Variants in DIP2C observed in about 807,000 individuals in gnomAD.
DIP2C encodes DIP2 acetate--CoA ligase C (putative).
In DIP2C, 33 loss-of-function variants were observed where a neutral mutation model predicts 192.4. The ratio of observed to expected loss-of-function variants is 0.17; its 90% CI spans 0.13 to 0.23. The LOEUF (loss-of-function observed/expected upper bound fraction) is 0.23, where lower values mean the gene tolerates loss of function less well. Ranked by LOEUF, DIP2C falls within the 10% of genes least tolerant of loss-of-function variation. The pLI is 1.00. For missense variants in DIP2C, 1,537 were observed against 2,110.1 expected (o/e 0.73, Z 5.32); for synonymous variants, 979 against 864.1 (o/e 1.13, Z -2.33).
chr10:621,791 C>A (rs972345502), intron 1 of DIP2C, among the ~76,000 whole-genome samples: 1 of 152,144 alleles, frequency 6.6e-6, no homozygotes, highest in Non-Finnish European at 1.5e-5. Flanking sequence ...ACGGGGCCTA[C>A]GGAGTGCTTC....
At chr10:469,792 C>A (rs1394590199) in intron 3 of DIP2C, among the ~76,000 whole-genome samples, 1 of 152,186 alleles carries the variant, frequency 6.6e-6, no homozygotes. Context: ...GGATCAAGTC[C>A]AAATTCCCGA....
intron 1 of DIP2C, among the ~76,000 whole-genome samples, chr10:603,425 ACC>A (rs1852239127): frequency 6.6e-6 from 1 of 150,840 alleles, no homozygotes; most frequent in African/African-American, 2.4e-5. Flanking sequence ...CTGACTCAGG[ACC>A]TCTGTCTCTG....
rs61833013 is a variant in DIP2C, at chr10:648,209, A to G, written c.85+41285T>C. ...AACTGAGTCCACGTCCACATTGGAC[A>G]GTGGGCGAGAACAGAGGGAAACAGT... On this transcript the variant is annotated intron_variant, in intron 1 of 36. Transcript: ENST00000280886. Among the ~76,000 whole-genome samples the G allele has an allele frequency of 5.9e-3, 764 of 128,404 alleles. 5 individuals carry two copies. The highest frequency in any genetic ancestry group is 9.3e-3 in the Non-Finnish European group (569 of 60,886). 84.2% of individuals were successfully genotyped at this position (128,404 alleles called of 152,430 possible). A position where few individuals can be genotyped will look rare whatever the true frequency, so the allele number is the denominator to read the frequency against.
At chr10:477,607 G>A (rs375681952) in intron 2 of DIP2C, among the ~76,000 whole-genome samples, 8 of 57,766 alleles carry the variant, frequency 1.4e-4, no homozygotes, top group African/African-American at 3.5e-4. Flanking sequence ...GGAGGAAGGT[G>A]GATGGGTGGG....
intron 22 of DIP2C, among the ~76,000 whole-genome samples, chr10:359,692 T>C (rs1428508080): frequency 6.6e-6 from 1 of 152,212 alleles, no homozygotes. Flanking sequence ...TGGGAGCCCC[T>C]GCACGATCTC....
At chr10:432,494 C>G (rs1479563676) in intron 4 of DIP2C, among the ~76,000 whole-genome samples, 3 of 152,120 alleles carry the variant, frequency 2.0e-5, no homozygotes, top group South Asian at 2.1e-4. Context: ...TATTTATTAT[C>G]CTTTTAATGT....
intron 23 of DIP2C, among the ~76,000 whole-genome samples, chr10:356,850 C>T (rs1193665179): frequency 6.6e-6 from 1 of 152,160 alleles, no homozygotes; most frequent in African/African-American, 2.4e-5. Flanking sequence ...GCAGGAGCAG[C>T]CTGCACAGAA....
intron 1 of DIP2C, among the ~76,000 whole-genome samples, chr10:582,986 A>G (rs1020059957): frequency 3.9e-5 from 6 of 152,260 alleles, no homozygotes; most frequent in African/African-American, 1.2e-4. Context: ...TCCATAAACA[A>G]AACACACAGC....
intron 4 of DIP2C, among the ~76,000 whole-genome samples, chr10:432,524 G>A (rs2133223366): frequency 6.6e-6 from 1 of 152,190 alleles, no homozygotes; most frequent in Admixed American, 6.5e-5. Flanking sequence ...CTGTAGTTAT[G>A]TCCCTTATTT....
intron 1 of DIP2C, among the ~76,000 whole-genome samples, chr10:542,264 G>A (rs1235913997): frequency 2.0e-5 from 3 of 152,202 alleles, no homozygotes; most frequent in Non-Finnish European, 4.4e-5. Flanking sequence ...ACATCAACCA[G>A]GAGGCACTGC....
Position 544,429 on chromosome 10 carries a change from C to CA in DIP2C, c.86-57900dup, listed in dbSNP as rs1491195923. On this transcript the variant is annotated intron_variant, in intron 1 of 36. Coordinates refer to ENST00000280886, the MANE Select transcript of DIP2C (RefSeq NM_014974.3). ...TAAGATTTTTTTGTAAAAACGTTTT[C>CA]AGTTTTCTTGGGCATATGCCTGGGA... Among the ~76,000 whole-genome samples the CA allele has an allele frequency of 3.9e-5, 6 of 152,192 alleles. No homozygotes were observed. The East Asian group carries it at 9.6e-4, about 24-fold the overall frequency.
chr10:575,411 G>A (rs1463779032), intron 1 of DIP2C, among the ~76,000 whole-genome samples: 2 of 152,232 alleles, frequency 1.3e-5, no homozygotes, highest in East Asian at 3.8e-4. Flanking sequence ...GGGGAGCAGT[G>A]AGAGAAAGGA....
intron 1 of DIP2C, among the ~76,000 whole-genome samples, chr10:583,591 G>A (rs947328917): frequency 1.3e-5 from 2 of 152,210 alleles, no homozygotes; most frequent in Non-Finnish European, 2.9e-5. Flanking sequence ...AGCCTCACCT[G>A]GGCCTCGCTT....
chr10:491,275 T>C (rs1449314145), intron 1 of DIP2C, among the ~76,000 whole-genome samples: 2 of 152,208 alleles, frequency 1.3e-5, no homozygotes, highest in African/African-American at 2.4e-5. Flanking sequence ...CACTCGGCAG[T>C]GGCGGTTTCC....
chr10:447,018 T>C (rs755701433), intron 3 of DIP2C, among the ~76,000 whole-genome samples: 59 of 152,238 alleles, frequency 3.9e-4, no homozygotes, highest in Admixed American at 7.9e-4. Context: ...GGCATCTATA[T>C]GTCAAGAAGA....
rs560986228 is a variant in DIP2C, at chr10:474,279, G to A, written c.158-1730C>T. Among the ~76,000 whole-genome samples, 185 of 152,220 alleles carry A rather than the reference G, an allele frequency of 1.2e-3. 1 individual carries two copies. The highest frequency in any genetic ancestry group is 5.9e-3 in the Admixed American group (90 of 15,280). On this transcript the variant is annotated intron_variant, in intron 2 of 36. Coordinates refer to ENST00000280886, the MANE Select transcript of DIP2C (RefSeq NM_014974.3). ...CGCCACTGTGGTCATCAACATCAGC[G>A]TCCGCAGTGTGCTACAAATACCGTT...
chr10:417,346 T>TG (rs1330247546), intron 6 of DIP2C, among the ~76,000 whole-genome samples: 3 of 151,688 alleles, frequency 2.0e-5, no homozygotes, highest in African/African-American at 7.3e-5. Context: ...AGGATTTACC[T>TG]GGGGAACAAA....
At chr10:475,644 C>G (rs1970999169) in intron 2 of DIP2C, among the ~76,000 whole-genome samples, 1 of 152,156 alleles carries the variant, frequency 6.6e-6, no homozygotes, top group Admixed American at 6.5e-5. Context: ...CAACAAAAGT[C>G]TGAAAACAAA....
chr10:336,255 T>TG (rs1337990566), intron 29 of DIP2C, among the ~76,000 whole-genome samples: 1 of 152,206 alleles, frequency 6.6e-6, no homozygotes, highest in Non-Finnish European at 1.5e-5. Flanking sequence ...AGCGATGCTT[T>TG]GGTCAAGGAT....
Sources: gnomAD v4.1 joint callset for allele counts (sites outside exome capture counted in the v4.1 genomes callset) on GRCh38, gnomAD v4.1.1 for gene constraint, MANE v1.5 for transcripts, NCBI Gene and HGNC (gene_info 2026-07-23, HGNC 2026-07-21) for gene names.